DSCAM: variants seen among roughly 807,000 people sequenced by gnomAD.
The protein encoded by DSCAM is cell adhesion molecule DSCAM.
In DSCAM, 47 loss-of-function variants were observed where a neutral mutation model predicts 217.7. The observed-to-expected ratio is 0.22, with a 90% confidence interval of 0.17 to 0.28. DSCAM has a LOEUF of 0.28. DSCAM is among the 10% of genes least tolerant of loss of function. DSCAM has a pLI of 1.00. For synonymous variants in DSCAM, 1,056 were observed against 1,015.3 expected (o/e 1.04, Z -0.76); for missense variants, 2,080 against 2,618.3 (o/e 0.79, Z 4.49).
At chr21:40,703,742 T>C (rs747323129) in intron 2 of DSCAM, among the ~76,000 whole-genome samples, 22 of 152,244 alleles carry the variant, frequency 1.4e-4, no homozygotes, top group Non-Finnish European at 3.2e-4. Flanking sequence ...GTTGAGCTCC[T>C]TGGATCTGTG....
intron 3 of DSCAM, among the ~76,000 whole-genome samples, chr21:40,659,851 A>T (rs1191184704): frequency 6.6e-6 from 1 of 152,256 alleles, no homozygotes; most frequent in Non-Finnish European, 1.5e-5. Context: ...CATAATTAAT[A>T]ATATTTTCAG....
At chr21:40,092,409 C>G (rs1198490985) in intron 21 of DSCAM, among the ~76,000 whole-genome samples, 1 of 152,196 alleles carries the variant, frequency 6.6e-6, no homozygotes, top group Non-Finnish European at 1.5e-5. Flanking sequence ...ACCAAATCCT[C>G]TGTGTCCCCA....
intron 6 of DSCAM, among the ~76,000 whole-genome samples, chr21:40,341,713 T>C (rs2074493298): frequency 6.6e-6 from 1 of 152,194 alleles, no homozygotes; most frequent in African/African-American, 2.4e-5. Context: ...TGTGCATATA[T>C]ATCATCATAA....
chr21:40,235,844 T>G (rs928100864), intron 11 of DSCAM, among the ~76,000 whole-genome samples: 8 of 152,118 alleles, frequency 5.3e-5, no homozygotes, highest in Admixed American at 1.3e-4. Flanking sequence ...TCCGTCACAT[T>G]AGATGCAATA....
chr21:40,703,034 T>TA (rs1190105268), intron 2 of DSCAM, among the ~76,000 whole-genome samples: 1 of 152,118 alleles, frequency 6.6e-6, no homozygotes, highest in African/African-American at 2.4e-5. Flanking sequence ...TGCAATTTTT[T>TA]AAAAAATCTG....
In DSCAM at chr21:40,613,566, C is replaced by T. The variant is rs1352279948; in HGVS notation, c.508+79244G>A. 4.6e-5 allele frequency among the ~76,000 whole-genome samples: 7 copies of T among 152,086 alleles called. No individual in the cohort carries two copies. The East Asian group carries it at 1.3e-3, about 29-fold the overall frequency. On this transcript the variant is annotated intron_variant, in intron 3 of 32. Transcript: ENST00000400454. Reference sequence around the variant, plus strand: ...GCCTCATTAATTCATCAATATAATGCAAATTAATTGCCACTGCATTAAAAA... The same window carrying T: ...GCCTCATTAATTCATCAATATAATGTAAATTAATTGCCACTGCATTAAAAA...
chr21:40,444,410 A>G (rs1335385378), intron 3 of DSCAM, among the ~76,000 whole-genome samples: 2 of 152,194 alleles, frequency 1.3e-5, no homozygotes, highest in Non-Finnish European at 2.9e-5. Flanking sequence ...ACTTACTAGC[A>G]TAAGGGAGAG....
At chr21:40,399,960 AT>A in intron 3 of DSCAM, among the ~76,000 whole-genome samples, 1 of 152,206 alleles carries the variant, frequency 6.6e-6, no homozygotes, top group African/African-American at 2.4e-5. Flanking sequence ...ATATTTCTAA[AT>A]TTTACCCATA....
At chr21:40,189,660 C>T (rs2090934165) in intron 11 of DSCAM, among the ~76,000 whole-genome samples, 2 of 151,904 alleles carry the variant, frequency 1.3e-5, no homozygotes, top group African/African-American at 4.8e-5. Context: ...CCATGCTGTT[C>T]TCATGATAGT....
Position 40,353,646 on chromosome 21 carries a change from G to A in DSCAM, c.753C>T (p.His251=). 1.2e-6 allele frequency: 2 copies of A among 1,612,032 alleles called. No homozygotes were observed. The highest frequency in any genetic ancestry group is 1.7e-6 in the Non-Finnish European group (2 of 1,179,442). The part of the protein sequence containing the change: ...RVELPCKALG[H]PEPDYRWLKD... ...TCAGCCAGCGGTAATCTGGCTCAGG[G>A]TGCCCGAGCGCTTTGCAAGGCAGCT... is the stretch of plus-strand genomic sequence containing the variant. The change falls in exon 5 of 33, where the codon CAC becomes CAT. Residue 251 remains histidine (H), a synonymous_variant. Coordinates refer to ENST00000400454, the MANE Select transcript of DSCAM (RefSeq NM_001389.5).
At chr21:40,550,222 T>A (rs546762882) in intron 3 of DSCAM, among the ~76,000 whole-genome samples, 3 of 152,212 alleles carry the variant, frequency 2.0e-5, no homozygotes, top group Admixed American at 6.5e-5. Flanking sequence ...TGTTTAGCCA[T>A]CTACTCAAAA....
intron 1 of DSCAM, among the ~76,000 whole-genome samples, chr21:40,820,120 A>T (rs550474268): frequency 6.6e-6 from 1 of 152,354 alleles, no homozygotes; most frequent in Admixed American, 6.5e-5. Flanking sequence ...GTATATACCC[A>T]GAGGGTTATA....
At chr21:40,819,949 A>T (rs886927615) in intron 1 of DSCAM, among the ~76,000 whole-genome samples, 2 of 152,182 alleles carry the variant, frequency 1.3e-5, no homozygotes, top group African/African-American at 4.8e-5. Context: ...GGATATCATC[A>T]TCAGGAATGG....
At position 40,513,975 on chromosome 21, in the gene DSCAM, G is replaced by A. The variant is rs546887313; in HGVS notation, c.509-144730C>T. 2.6e-5 allele frequency among the ~76,000 whole-genome samples: 4 copies of A among 152,262 alleles called. No individual in the cohort carries two copies. The East Asian group carries it at 7.7e-4, about 29-fold the overall frequency. ...GCACTTCATTAATTTTCAAGGCTTT[G>A]CACTCAAAACTGCTACATAAGCAAT... On this transcript the variant is annotated intron_variant, in intron 3 of 32. Coordinates refer to ENST00000400454, the MANE Select transcript of DSCAM (RefSeq NM_001389.5).
chr21:40,334,507 C>A (rs528455067), intron 8 of DSCAM, among the ~76,000 whole-genome samples: 2 of 152,212 alleles, frequency 1.3e-5, no homozygotes, highest in South Asian at 4.1e-4. Context: ...TCTTCTACCC[C>A]CAACCTCCTC....
intron 20 of DSCAM, among the ~76,000 whole-genome samples, chr21:40,097,024 A>G (rs926353466): frequency 6.6e-6 from 1 of 152,184 alleles, no homozygotes; most frequent in Non-Finnish European, 1.5e-5. Context: ...CCCACATTAC[A>G]AGAAATGTTA....
At chr21:40,262,692 A>G (rs1340468222) in intron 11 of DSCAM, among the ~76,000 whole-genome samples, 1 of 152,228 alleles carries the variant, frequency 6.6e-6, no homozygotes, top group African/African-American at 2.4e-5. Context: ...CATGACAAGA[A>G]TAAACTCAAC....
intron 1 of DSCAM, among the ~76,000 whole-genome samples, chr21:40,810,268 G>A (rs1295647016): frequency 6.6e-6 from 1 of 152,210 alleles, no homozygotes; most frequent in Non-Finnish European, 1.5e-5. Context: ...TGCACCCTCA[G>A]GTCTGTGCAC....
chr21:40,226,916 A>C (rs1474078909), intron 11 of DSCAM, among the ~76,000 whole-genome samples: 1 of 151,890 alleles, frequency 6.6e-6, no homozygotes, highest in African/African-American at 2.4e-5. Flanking sequence ...CCACCCTCCA[A>C]AAGGCTCCAG....
Sources: allele counts gnomAD v4.1 joint callset (sites outside exome capture counted in the v4.1 genomes callset), GRCh38; gene constraint gnomAD v4.1.1; transcripts MANE v1.5; gene names NCBI Gene and HGNC (gene_info 2026-07-23, HGNC 2026-07-21).